The following PTPRD variants were observed in gnomAD, a reference collection of about 807,000 sequenced individuals.
PTPRD encodes the protein receptor-type tyrosine-protein phosphatase delta.
Under a neutral mutation model 214.5 loss-of-function variants are expected in PTPRD, and 34 were observed. The ratio of observed to expected loss-of-function variants is 0.16; its 90% CI spans 0.12 to 0.21. The LOEUF is 0.21. PTPRD is among the 10% of genes least tolerant of loss of function. PTPRD has a pLI of 1.00. For missense variants in PTPRD, 2,545 were observed against 2,398.7 expected (o/e 1.06, Z -1.27); for synonymous variants, 1,128 against 845.7 (o/e 1.33, Z -5.79).
intron 11 of PTPRD, among the ~76,000 whole-genome samples, chr9:8,982,081 A>C (rs2154340913): frequency 6.6e-6 from 1 of 152,168 alleles, no homozygotes; most frequent in South Asian, 2.1e-4. Context: ...AGTGAATGGC[A>C]GTGAAAATAG....
intron 7 of PTPRD, among the ~76,000 whole-genome samples, chr9:9,731,381 T>G (rs1298831611): frequency 6.6e-6 from 1 of 152,182 alleles, no homozygotes; most frequent in African/African-American, 2.4e-5. Flanking sequence ...CAAATACTAT[T>G]AACCATCCTT....
intron 4 of PTPRD, among the ~76,000 whole-genome samples, chr9:10,010,571 G>T (rs1302733190): frequency 6.6e-6 from 1 of 151,722 alleles, no homozygotes; most frequent in South Asian, 2.1e-4. Flanking sequence ...CCTTCAAGTG[G>T]CCATGCACAG....
intron 11 of PTPRD, among the ~76,000 whole-genome samples, chr9:8,821,698 C>T (rs2097068722): frequency 6.6e-6 from 1 of 152,200 alleles, no homozygotes; most frequent in Non-Finnish European, 1.5e-5. Flanking sequence ...CAGAGTCTCG[C>T]TCTGTTGCCC....
chr9:10,235,359 T>C (rs764093870), intron 3 of PTPRD, among the ~76,000 whole-genome samples: 1 of 151,856 alleles, frequency 6.6e-6, no homozygotes, highest in Non-Finnish European at 1.5e-5. Flanking sequence ...TTAAAAACAA[T>C]CATCACTGTG....
intron 11 of PTPRD, among the ~76,000 whole-genome samples, chr9:8,941,556 A>T (rs10816011): frequency 6.6e-6 from 1 of 151,836 alleles, no homozygotes; most frequent in Admixed American, 6.6e-5. Flanking sequence ...TTTATAAGAC[A>T]AGGAAATAGT....
chr9:9,912,627 G>A (rs866946410), intron 5 of PTPRD, among the ~76,000 whole-genome samples: 4 of 152,128 alleles, frequency 2.6e-5, no homozygotes, highest in Admixed American at 6.6e-5. Flanking sequence ...AGCCTGACAC[G>A]TGAGTTTGCA....
At chr9:9,950,185 A>G (rs1041299350) in intron 4 of PTPRD, among the ~76,000 whole-genome samples, 2 of 152,114 alleles carry the variant, frequency 1.3e-5, no homozygotes, top group African/African-American at 4.8e-5. Flanking sequence ...ACCTAACCTG[A>G]TAATGATTTG....
chr9:9,414,358 G>A (rs527398067), intron 8 of PTPRD, among the ~76,000 whole-genome samples: 3 of 152,178 alleles, frequency 2.0e-5, no homozygotes, highest in Non-Finnish European at 2.9e-5. Context: ...GGCAAGATTG[G>A]CAAGGATGGA....
At chr9:8,390,532 T>C (rs765467840) in intron 36 of PTPRD, among the ~76,000 whole-genome samples, 13 of 118,488 alleles carry the variant, frequency 1.1e-4, no homozygotes, top group Admixed American at 8.0e-4. Flanking sequence ...TAATTATATA[T>C]TTACTTGTCT....
chr9:8,854,707 G>A (rs2097882512), intron 11 of PTPRD, among the ~76,000 whole-genome samples: 1 of 152,092 alleles, frequency 6.6e-6, no homozygotes, highest in Admixed American at 6.5e-5. Flanking sequence ...TCCCTCAAGT[G>A]CTAACTAAAC....
chr9:8,900,236 T>C (rs1378616491), intron 11 of PTPRD, among the ~76,000 whole-genome samples: 1 of 152,208 alleles, frequency 6.6e-6, no homozygotes, highest in Non-Finnish European at 1.5e-5. Flanking sequence ...GTAATACAAA[T>C]ATCCCTTTTA....
At chr9:8,375,609 T>G (rs1262396129) in intron 39 of PTPRD, among the ~76,000 whole-genome samples, 2 of 152,072 alleles carry the variant, frequency 1.3e-5, no homozygotes, top group Non-Finnish European at 2.9e-5. Context: ...ACAATACAAA[T>G]TTGTTTTTAA....
chr9:10,159,742 A>T (rs1267255161), intron 3 of PTPRD, among the ~76,000 whole-genome samples: 1 of 152,020 alleles, frequency 6.6e-6, no homozygotes, highest in Admixed American at 6.6e-5. Flanking sequence ...GGCTCTTAGT[A>T]ACAGAATGGA....
chr9:9,674,595 T>C (rs968829990), intron 7 of PTPRD, among the ~76,000 whole-genome samples: 1 of 151,660 alleles, frequency 6.6e-6, no homozygotes, highest in Non-Finnish European at 1.5e-5. Flanking sequence ...AGAGAAAGAT[T>C]AAAACTACAG....
At chr9:10,486,313 G>A (rs1295696687) in intron 2 of PTPRD, among the ~76,000 whole-genome samples, 1 of 152,012 alleles carries the variant, frequency 6.6e-6, no homozygotes, top group African/African-American at 2.4e-5. Context: ...TATGGTTTTG[G>A]GTTTTACCTT....
At chr9:10,454,578 A>C (rs1298518271) in intron 2 of PTPRD, among the ~76,000 whole-genome samples, 1 of 151,620 alleles carries the variant, frequency 6.6e-6, no homozygotes, top group Non-Finnish European at 1.5e-5. Context: ...TTACCTAGCA[A>C]TCATTCTTCC....
chr9:9,928,754 CT>C (rs1243235021), intron 5 of PTPRD, among the ~76,000 whole-genome samples: 137 of 93,202 alleles, frequency 1.5e-3, no homozygotes, highest in African/African-American at 0.012. Context: ...ATCTCTCTCT[CT>C]ATACACACAC....
chr9:8,732,982 A>G (rs2098676213), intron 12 of PTPRD, among the ~76,000 whole-genome samples: 1 of 152,190 alleles, frequency 6.6e-6, no homozygotes, highest in African/African-American at 2.4e-5. Context: ...CTACCAAGGA[A>G]CCACACATGT....
intron 3 of PTPRD, among the ~76,000 whole-genome samples, chr9:10,334,193 G>T (rs766562573): frequency 6.6e-6 from 1 of 151,642 alleles, no homozygotes; most frequent in Non-Finnish European, 1.5e-5. Context: ...TAACAAAGAA[G>T]ACTCTGAAAA....
Sources: allele counts gnomAD v4.1 joint callset (sites outside exome capture counted in the v4.1 genomes callset), GRCh38; gene constraint gnomAD v4.1.1; transcripts MANE v1.5; gene names NCBI Gene and HGNC (gene_info 2026-07-23, HGNC 2026-07-21).